The following MTA1 variants were observed in gnomAD, a reference collection of about 807,000 sequenced individuals.
MTA1 encodes metastasis-associated protein MTA1.
A neutral mutation model predicts 97.0 loss-of-function variants in MTA1; 15 were observed. The ratio of observed to expected loss-of-function variants is 0.15; its 90% CI spans 0.10 to 0.24. The LOEUF (loss-of-function observed/expected upper bound fraction) is 0.24. MTA1 is among the 10% of genes least tolerant of loss of function. MTA1 has a pLI of 1.00. For missense variants in MTA1, 709 were observed against 1,015.1 expected, an observed-to-expected ratio of 0.70 and a Z score of 4.10; for synonymous variants, 435 against 417.5, an observed-to-expected ratio of 1.04 and a Z score of -0.51.
chr14:105,465,104 G>A lies in MTA1; in HGVS notation c.1545G>A (p.Arg515=), dbSNP rs1427464111. 2 of 1,516,016 alleles carry A rather than the reference G, an allele frequency of 1.3e-6. No individual in the cohort carries two copies. Among genetic ancestry groups the A allele is most frequent in the South Asian group, 1.2e-5 (1 of 82,818 alleles). 93.9% of individuals were successfully genotyped at this position (1,516,016 alleles called of 1,614,324 possible). A position where few individuals can be genotyped will look rare whatever the true frequency, so the allele number is the denominator to read the frequency against. The change falls in exon 16 of 21, where the codon CGG becomes CGA. Residue 515 remains arginine (R), a synonymous_variant. Transcript: ENST00000331320. The part of the protein sequence containing the change: ...SAAIKAECTA[R]LPEASQSPLV... ...TGTGGTACCCCGCAGGCACGGCGCG[G>A]CTGCCCGAAGCCTCCCAGAGCCCGC...
chr14:105,459,866 C>T (rs1475278315), intron 8 of MTA1, among the ~76,000 whole-genome samples: 2 of 8,808 alleles, frequency 2.3e-4, no homozygotes, highest in African/African-American at 2.7e-4. Context: ...GCCCCTGGTC[C>T]CTGGCGCCTG....
At chr14:105,460,280 C>T in intron 8 of MTA1, 78 bp from the exon 9 acceptor site, 3 of 1,377,572 alleles carry the variant, frequency 2.2e-6, no homozygotes, top group Non-Finnish European at 2.9e-6. Flanking sequence ...CCGCTGGTCC[C>T]TGGCGCCTGG....
At chr14:105,447,839 A>G (rs587711378) in intron 3 of MTA1, among the ~76,000 whole-genome samples, 123 of 152,174 alleles carry the variant, frequency 8.1e-4, no homozygotes, top group African/African-American at 2.7e-3. Context: ...GGGTTGTGTC[A>G]ATCTCCGTTT....
chr14:105,469,763 A>ACCTTGGCTGGTAGCC, intron 19 of MTA1, 78 bp from the exon 20 acceptor site: 1 of 1,527,936 alleles, frequency 6.5e-7, no homozygotes, highest in African/African-American at 1.4e-5. Flanking sequence ...CAGGCACAGC[A>ACCTTGGCTGGTAGCC]CCTCCCAGCG....
At position 105,464,862 on chromosome 14, in the gene MTA1, G is replaced by A. The variant is rs782490034; in HGVS notation, c.1533G>A (p.Glu511=). Residue 511 remains glutamate (E), a splice_region_variant and synonymous_variant, in exon 15 of 21, where the codon GAG becomes GAA. Transcript: ENST00000331320. ...TCAACAGCGCGGCCATCAAGGCCGA[G>A]TGTGAGTCACCCCAACGCCCCGCTT... ...LPINSAAIKA[E]CTARLPEASQ... The A allele has an allele frequency of 6.4e-7, 1 of 1,568,504 alleles. No individual in the cohort carries two copies. Among genetic ancestry groups the A allele is most frequent in the Admixed American group, 1.8e-5 (1 of 55,044 alleles).
Position 105,450,270 on chromosome 14 carries a change from C to T in MTA1, c.378C>T (p.Cys126=), listed in dbSNP as rs2141579015. 1.2e-6 allele frequency: 2 copies of T among 1,608,858 alleles called. No individual in the cohort carries two copies. The highest frequency in any genetic ancestry group is 1.7e-6 in the Non-Finnish European group (2 of 1,176,388). ...CGTCCTTCTCTTCCAGGGGCAAGTG[C>T]AGCGTCACCCTGCTCAACGAGACCG... ...SLPATHIRGK[C]SVTLLNETES... Residue 126 remains cysteine (C), a synonymous_variant, in exon 6 of 21, where the codon TGC becomes TGT. Transcript: ENST00000331320.
At chr14:105,458,965 C>T (rs1461542562) in intron 8 of MTA1, among the ~76,000 whole-genome samples, 3 of 152,344 alleles carry the variant, frequency 2.0e-5, no homozygotes, top group African/African-American at 7.2e-5. Flanking sequence ...GATGCTCATG[C>T]AGTCTGTCCC....
At position 105,463,997 on chromosome 14, in the gene MTA1, T is replaced by A. The variant is rs1171418473; in HGVS notation, c.1077-35T>A. 2.5e-6 allele frequency: 4 copies of A among 1,606,510 alleles called. No individual in the cohort carries two copies. Among genetic ancestry groups the A allele is most frequent in the Non-Finnish European group, 3.4e-6 (4 of 1,174,862 alleles). The stretch of plus-strand genomic sequence containing the variant: ...CATGGGCCCTCGAGGTTTGTGCTCC[T>A]GCAACTCCTCTCGTCTCTCCTTTCC... On this transcript the variant is annotated intron_variant, in intron 12 of 20. Coordinates refer to ENST00000331320, the MANE Select transcript of MTA1 (RefSeq NM_004689.4). The surrounding 1 kb of genome is among the most constrained non-coding windows in gnomAD (Gnocchi z 5.9).
chr14:105,423,016 T>G (rs1387809485), intron 1 of MTA1, among the ~76,000 whole-genome samples: 1 of 152,098 alleles, frequency 6.6e-6, no homozygotes, highest in Non-Finnish European at 1.5e-5. Flanking sequence ...CGGCGGGATG[T>G]TTCTTCTCTG....
chr14:105,442,289 G>A (rs587616840), intron 2 of MTA1, among the ~76,000 whole-genome samples: 188 of 152,348 alleles, frequency 1.2e-3, no homozygotes, highest in Non-Finnish European at 1.8e-3. Flanking sequence ...CCGGAAGGCA[G>A]ATGAGTGAGG....
In MTA1 at chr14:105,431,665, G is replaced by C. The variant is rs587770961; in HGVS notation, c.29-7007G>C. Among the ~76,000 whole-genome samples the C allele has an allele frequency of 3.9e-5, 6 of 152,246 alleles. No homozygotes were observed. The East Asian group carries it at 1.2e-3, about 29-fold the overall frequency. The stretch of plus-strand genomic sequence containing the variant: ...TTTTGAGGTGGAGTCTCGCCCTGTT[G>C]CCCAGGCAGCAGTGCAGTGGCGCAG... On this transcript the variant is annotated intron_variant, in intron 1 of 20. Transcript: ENST00000331320.
At position 105,470,138 on chromosome 14, in the gene MTA1, C is replaced by T. The variant is rs782366619; in HGVS notation, c.2071C>T (p.Arg691Cys). The T allele has an allele frequency of 1.1e-5, 18 of 1,612,134 alleles. No homozygotes were observed. Among genetic ancestry groups the T allele is most frequent in the African/African-American group, 9.3e-5 (7 of 74,930 alleles). Reference sequence around the variant, plus strand: ...CCGGCCCTACAAGCCCATCGCCCTGCGCCAGAGCCAGGCCCTGCCGCCGCG... The same window carrying T: ...CCGGCCCTACAAGCCCATCGCCCTGTGCCAGAGCCAGGCCCTGCCGCCGCG... The part of the protein sequence containing the change: ...ARRPYKPIAL[R>C]QSQALPPRPP... The change falls in exon 21 of 21, where the codon CGC becomes TGC. Residue 691 changes from arginine (R) to cysteine (C), a missense_variant. Arg to Cys is a radical substitution (Grantham distance 180). Around this residue, in one of 2 missense-constraint regions of MTA1, gnomAD observed 388 missense variants for 421.6 expected, o/e 0.92. Transcript: ENST00000331320.
intron 19 of MTA1, 133 bp from the exon 20 acceptor site, chr14:105,469,708 C>A: frequency 1.5e-6 from 2 of 1,363,830 alleles, no homozygotes; most frequent in South Asian, 1.4e-5. Flanking sequence ...TGCCCTGGGC[C>A]AGGCTGGGGG....
At chr14:105,432,555 G>T (rs1347697873) in intron 1 of MTA1, among the ~76,000 whole-genome samples, 1 of 152,168 alleles carries the variant, frequency 6.6e-6, no homozygotes, top group Non-Finnish European at 1.5e-5. Flanking sequence ...TTGAAAAAGC[G>T]CCGAAATTGG....
rs999210252 is a variant in MTA1, at chr14:105,470,224, C to T, written c.*9C>T. ...TCGTCATCGAGGACTAGGGGCCGCCCCCACCTGCGGCCGCCCCCCGCCCCT... is the reference window on the plus strand; with the variant it reads ...TCGTCATCGAGGACTAGGGGCCGCCTCCACCTGCGGCCGCCCCCCGCCCCT... On this transcript the variant is annotated 3_prime_UTR_variant, in exon 21 of 21. Coordinates refer to ENST00000331320, the MANE Select transcript of MTA1 (RefSeq NM_004689.4). 4.5e-5 allele frequency: 70 copies of T among 1,545,126 alleles called. No homozygotes were observed. The highest frequency in any genetic ancestry group is 5.6e-5 in the Non-Finnish European group (65 of 1,150,476).
At chr14:105,446,271 A>G (rs1300680442) in intron 3 of MTA1, among the ~76,000 whole-genome samples, 2 of 152,150 alleles carry the variant, frequency 1.3e-5, no homozygotes, top group Non-Finnish European at 2.9e-5. Context: ...CGGTGGGGGC[A>G]GGCATGAGGG....
chr14:105,454,425 G>A, intron 7 of MTA1, 115 bp downstream of exon 7: 1 of 766,906 alleles, frequency 1.3e-6, no homozygotes, highest in South Asian at 1.5e-5. Flanking sequence ...GTGTGACTGG[G>A]GGCGGCAGGT....
chr14:105,442,222 G>T (rs2082556375), intron 2 of MTA1, among the ~76,000 whole-genome samples: 1 of 152,242 alleles, frequency 6.6e-6, no homozygotes, highest in African/African-American at 2.4e-5. Flanking sequence ...AACCCACTTT[G>T]CCTTTCGGCA....
intron 7 of MTA1, among the ~76,000 whole-genome samples, chr14:105,455,797 C>T (rs1328059249): frequency 5.3e-5 from 8 of 152,254 alleles, no homozygotes; most frequent in Non-Finnish European, 7.3e-5. Context: ...CTGGGAGGTG[C>T]TTGGCAGTGG....
Sources: allele counts gnomAD v4.1 joint callset (sites outside exome capture counted in the v4.1 genomes callset), GRCh38; gene constraint gnomAD v4.1.1; regional missense constraint gnomAD v4.1.1; non-coding constraint Gnocchi (gnomAD v3.1); transcripts MANE v1.5; gene names NCBI Gene and HGNC (gene_info 2026-07-23, HGNC 2026-07-21).